ZNF599: variants seen among roughly 807,000 people sequenced by gnomAD.
The protein encoded by ZNF599 is zinc finger protein 599.
ZNF599 carries 10 observed loss-of-function variants against 11.7 expected under a neutral mutation model. The ratio of observed to expected loss-of-function variants is 0.86; its 90% CI spans 0.53 to 1.45. The LOEUF (loss-of-function observed/expected upper bound fraction) is 1.45. ZNF599 is among the 40% of genes most tolerant of loss of function. The pLI is 0.00. For synonymous variants in ZNF599, 232 were observed against 253.2 expected (o/e 0.92, Z 0.79); for missense variants, 688 against 713.6 (o/e 0.96, Z 0.41).
intron 2 of ZNF599, among the ~76,000 whole-genome samples, chr19:34,768,551 A>G (rs2069160054): frequency 6.6e-6 from 1 of 152,246 alleles, no homozygotes; most frequent in African/African-American, 2.4e-5. Context: ...TTTGGTATTT[A>G]TTAATTTGTT....
At chr19:34,767,586 T>G (rs1352000942) in intron 2 of ZNF599, among the ~76,000 whole-genome samples, 175 bp from the exon 3 acceptor site, 1 of 152,212 alleles carries the variant, frequency 6.6e-6, no homozygotes, top group Non-Finnish European at 1.5e-5. Flanking sequence ...TCAACCACCC[T>G]GTGCATCAAA....
upstream of ZNF599, among the ~76,000 whole-genome samples, chr19:34,773,698 C>T (rs1476696973): frequency 7.3e-6 from 1 of 137,686 alleles, no homozygotes; most frequent in Admixed American, 7.2e-5. Context: ...GAATCAGGTA[C>T]TCTGGGGGGT....
chr19:34,775,408 T>C (rs2145471306), upstream of ZNF599, among the ~76,000 whole-genome samples: 1 of 152,314 alleles, frequency 6.6e-6, no homozygotes, highest in Middle Eastern at 3.4e-3. Context: ...AACCACACAG[T>C]ATATAATTCC....
In ZNF599 at chr19:34,758,943, T is replaced by C. The variant is rs947255351; in HGVS notation, c.*91A>G. Reference sequence around the variant, plus strand: ...AAGACATCTCTCTGGCCAAAATATTTCCCTCAATAGTTATACTCAAAAGGA... The same window carrying C: ...AAGACATCTCTCTGGCCAAAATATTCCCCTCAATAGTTATACTCAAAAGGA... On this transcript the variant is annotated 3_prime_UTR_variant, in exon 4 of 4. Transcript: ENST00000329285. The C allele has an allele frequency of 1.6e-5, 22 of 1,343,742 alleles. No individual in the cohort carries two copies. In the Admixed American group the frequency reaches 3.7e-4, roughly 22 times the overall value. 83.2% of individuals were successfully genotyped at this position (1,343,742 alleles called of 1,614,324 possible). A position where few individuals can be genotyped will look rare whatever the true frequency, so the allele number is the denominator to read the frequency against.
chr19:34,769,605 AT>A, intron 1 of ZNF599, 50 bp from the exon 2 acceptor site: 1 of 1,587,728 alleles, frequency 6.3e-7, no homozygotes, highest in Non-Finnish European at 8.6e-7. Flanking sequence ...ATTAGGTGAA[AT>A]TACAGCTCAC....
chr19:34,805,197 CTT>C, the ZNF599 span, among the ~76,000 whole-genome samples: 6 of 125,882 alleles, frequency 4.8e-5, no homozygotes, highest in Non-Finnish European at 6.6e-5. Flanking sequence ...TAAGTGCTAC[CTT>C]TTTTTTTTTT....
At chr19:34,779,583 C>T in the ZNF599 span, 1 of 417,410 alleles carries the variant, frequency 2.4e-6, no homozygotes, top group Non-Finnish European at 4.8e-6. Context: ...TTAACCACTG[C>T]TCCAGATGGA....
rs1273586911 is a variant in ZNF599, at chr19:34,759,854, C to T, written c.947G>A (p.Cys316Tyr). The change falls in exon 4 of 4, where the codon TGT becomes TAT. Residue 316 changes from cysteine to tyrosine, a missense_variant. Transcript: ENST00000329285. Reference protein sequence around the residue: ...TREKPFLCKECGKAFYYSSSF... With the variant: ...TREKPFLCKEYGKAFYYSSSF... ...GGAGCTGTAGTAAAAAGCTTTCCCA[C>T]ATTCTTTGCATAAAAAGGGTTTTTC... 3.1e-6 allele frequency: 5 copies of T among 1,614,158 alleles called. No individual in the cohort carries two copies. The highest frequency in any genetic ancestry group is 4.2e-6 in the Non-Finnish European group (5 of 1,180,034).
Position 34,759,013 on chromosome 19 carries a change from T to G in ZNF599, c.*21A>C. ...AGTTCACTAAAGACAAACACACTTG[T>G]AATAGGCCTTCCTGTATCTTTTAAA... On this transcript the variant is annotated 3_prime_UTR_variant, in exon 4 of 4. Coordinates refer to ENST00000329285, the MANE Select transcript of ZNF599 (RefSeq NM_001007248.3). The G allele has an allele frequency of 1.9e-6, 3 of 1,584,192 alleles. No individual in the cohort carries two copies. Among genetic ancestry groups the G allele is most frequent in the Non-Finnish European group, 2.6e-6 (3 of 1,163,826 alleles).
intron 1 of ZNF599, among the ~76,000 whole-genome samples, chr19:34,770,148 G>T (rs1286581347): frequency 6.6e-6 from 1 of 152,232 alleles, no homozygotes; most frequent in Non-Finnish European, 1.5e-5. Context: ...TGCCCAGCAT[G>T]TGTTACAATG....
At chr19:34,786,845 T>G in the ZNF599 span, among the ~76,000 whole-genome samples, 1 of 152,208 alleles carries the variant, frequency 6.6e-6, no homozygotes, top group Non-Finnish European at 1.5e-5. Context: ...GGTGCATCTC[T>G]TCAGTTCTAG....
chr19:34,758,844 A>C lies in ZNF599; in HGVS notation c.*190T>G. On this transcript the variant is annotated 3_prime_UTR_variant, in exon 4 of 4. Coordinates refer to ENST00000329285, the MANE Select transcript of ZNF599 (RefSeq NM_001007248.3). ...AATCTTTAATATAATTCTTTGGATG[A>C]CAAGTGATTACCTGCCATAAAAAGA... 1.7e-6 allele frequency: 1 copy of C among 594,672 alleles called. No homozygotes were observed. The highest frequency in any genetic ancestry group is 2.4e-5 in the South Asian group (1 of 42,380). The allele number at this position is 594,672 out of a possible 1,614,324, so 36.8% of individuals were successfully genotyped here.
At chr19:34,773,715 C>T (rs898015548), upstream of ZNF599, among the ~76,000 whole-genome samples, 1 of 152,268 alleles carries the variant, frequency 6.6e-6, no homozygotes, top group African/African-American at 2.4e-5. Flanking sequence ...GGGTGGGACC[C>T]AGCCCTCTGC....
At position 34,772,372 on chromosome 19, in the gene ZNF599, T is replaced by C. The variant is rs184352482; in HGVS notation, c.18+452A>G. ...GAGGCTCTCATTCCCTCTCCCAGCT[T>C]TTGGTAGGGCCAGACTTCCGCTGGA... On this transcript the variant is annotated intron_variant, in intron 1 of 3. Coordinates refer to ENST00000329285, the MANE Select transcript of ZNF599 (RefSeq NM_001007248.3). 1.9e-5 allele frequency: 19 copies of C among 996,716 alleles called. No homozygotes were observed. The East Asian group carries it at 1.3e-3, about 67-fold the overall frequency. 61.7% of individuals were successfully genotyped at this position (996,716 alleles called of 1,614,324 possible).
upstream of ZNF599, among the ~76,000 whole-genome samples, chr19:34,774,171 G>T (rs2069205061): frequency 6.6e-6 from 1 of 152,160 alleles, no homozygotes; most frequent in African/African-American, 2.4e-5. Context: ...GGATCACTGA[G>T]ACTAATTACC....
In ZNF599 at chr19:34,758,856, C is replaced by T. The variant is rs2069088144; in HGVS notation, c.*178G>A. 1 of 616,246 alleles carries T rather than the reference C, an allele frequency of 1.6e-6. No homozygotes were observed. Among genetic ancestry groups the T allele is most frequent in the African/African-American group, 1.8e-5 (1 of 54,244 alleles). 38.2% of individuals were successfully genotyped at this position (616,246 alleles called of 1,614,324 possible). A position where few individuals can be genotyped will look rare whatever the true frequency, so the allele number is the denominator to read the frequency against. On this transcript the variant is annotated 3_prime_UTR_variant, in exon 4 of 4. Transcript: ENST00000329285. ...AATTCTTTGGATGACAAGTGATTAC[C>T]TGCCATAAAAAGATTTCACAGGGAC...
the ZNF599 span, among the ~76,000 whole-genome samples, chr19:34,804,807 G>A: frequency 1.4e-4 from 22 of 152,152 alleles, no homozygotes; most frequent in Non-Finnish European, 2.6e-4. Context: ...AAGCAGATAA[G>A]CTCCAAGTCT....
chr19:34,785,615 A>C, the ZNF599 span, among the ~76,000 whole-genome samples: 1 of 152,174 alleles, frequency 6.6e-6, no homozygotes. Context: ...CAAGAACTTG[A>C]GAGTGGAGGT....
chr19:34,767,560 C>T, intron 2 of ZNF599, 149 bp from the exon 3 acceptor site: 1 of 568,376 alleles, frequency 1.8e-6, no homozygotes, highest in Non-Finnish European at 3.1e-6. Context: ...CCCTAATTAA[C>T]CTAAGTCAGT....
Sources: gnomAD v4.1 joint callset for allele counts (sites outside exome capture counted in the v4.1 genomes callset) on GRCh38, gnomAD v4.1.1 for gene constraint, MANE v1.5 for transcripts, NCBI Gene and HGNC (gene_info 2026-07-23, HGNC 2026-07-21) for gene names.